The following CAB39 variants were observed in gnomAD, a reference collection of about 807,000 sequenced individuals.
CAB39 encodes calcium-binding protein 39.
Under a neutral mutation model 40.0 loss-of-function variants are expected in CAB39, and 8 were observed. The ratio of observed to expected loss-of-function variants is 0.20; its 90% CI spans 0.12 to 0.36. The LOEUF (loss-of-function observed/expected upper bound fraction) is 0.36, where lower values mean the gene tolerates loss of function less well. CAB39 is among the 10% of genes least tolerant of loss of function. The pLI, the probability that CAB39 is intolerant of heterozygous loss-of-function variation, is 1.00. For synonymous variants in CAB39, 156 were observed against 141.6 expected (o/e 1.10, Z -0.72); for missense variants, 270 against 401.1 (o/e 0.67, Z 2.79).
chr2:230,719,513 A>G (rs1319075826), intron 1 of CAB39, among the ~76,000 whole-genome samples: 3 of 152,222 alleles, frequency 2.0e-5, no homozygotes. Context: ...GTTTATTATA[A>G]ATGCTTTCGT....
At chr2:230,758,090 G>A (rs1384855529) in intron 1 of CAB39, among the ~76,000 whole-genome samples, 2 of 152,126 alleles carry the variant, frequency 1.3e-5, no homozygotes, top group Non-Finnish European at 2.9e-5. Flanking sequence ...CTTGAGGCCA[G>A]GAGTTGAGAC....
intron 5 of CAB39, among the ~76,000 whole-genome samples, chr2:230,803,536 C>A (rs1318225192): frequency 3.3e-5 from 5 of 152,200 alleles, no homozygotes; most frequent in Non-Finnish European, 5.9e-5. Flanking sequence ...TCTCCTTAAG[C>A]TGATAAGCAA....
intron 1 of CAB39, chr2:230,713,700 G>A (rs1173240067): frequency 6.6e-6 from 1 of 152,280 alleles, no homozygotes; most frequent in Non-Finnish European, 1.5e-5. Flanking sequence ...CTGATTTCTG[G>A]TTAGGAATTG....
Position 230,798,808 on chromosome 2 carries a change from A to G in CAB39, c.478A>G (p.Ile160Val), listed in dbSNP as rs756020772. Reference protein sequence around the residue: ...CIRHEPLAKIILWSEQFYDFF... With the variant: ...CIRHEPLAKIVLWSEQFYDFF... ...CAGACATGAACCACTTGCAAAAATC[A>G]TTTTGTGGTCGGAACAGTTTTATGA... Residue 160 changes from isoleucine (I) to valine (V), a missense_variant, in exon 5 of 9, where the codon ATT becomes GTT. Physicochemically the swap from Ile to Val is conservative, Grantham distance 29 (BLOSUM62 3). Transcript: ENST00000258418. 3 of 1,611,334 alleles carry G rather than the reference A, an allele frequency of 1.9e-6. No individual in the cohort carries two copies. The highest frequency in any genetic ancestry group is 2.5e-6 in the Non-Finnish European group (3 of 1,178,658).
intron 2 of CAB39, chr2:230,779,054 G>A (rs1282193229): frequency 6.6e-6 from 1 of 151,588 alleles, no homozygotes; most frequent in African/African-American, 2.4e-5. Flanking sequence ...GTGAACTTTG[G>A]GATACTGGTT....
intron 4 of CAB39, among the ~76,000 whole-genome samples, chr2:230,796,741 T>G (rs1396078448): frequency 6.6e-6 from 1 of 151,786 alleles, no homozygotes; most frequent in East Asian, 1.9e-4. Context: ...AAATGTGGTT[T>G]GGGTTAATAA....
chr2:230,801,996 A>G (rs974926288), intron 5 of CAB39, among the ~76,000 whole-genome samples: 38 of 152,064 alleles, frequency 2.5e-4, no homozygotes, highest in African/African-American at 9.2e-4. Context: ...GGAGATGGAG[A>G]GGGGCATTAG....
intron 1 of CAB39, among the ~76,000 whole-genome samples, chr2:230,717,798 G>C (rs1342775766): frequency 6.6e-6 from 1 of 152,188 alleles, no homozygotes; most frequent in African/African-American, 2.4e-5. Flanking sequence ...TTTTAAAACA[G>C]AAGGGGTGAG....
intron 2 of CAB39, among the ~76,000 whole-genome samples, chr2:230,774,135 A>G (rs1196510634): frequency 6.6e-6 from 1 of 152,228 alleles, no homozygotes; most frequent in African/African-American, 2.4e-5. Context: ...ATTAGAGTCA[A>G]AGACGGAATT....
At chr2:230,760,282 G>A (rs575394331) in intron 2 of CAB39, among the ~76,000 whole-genome samples, 167 bp downstream of exon 2, 4 of 152,132 alleles carry the variant, frequency 2.6e-5, no homozygotes, top group Admixed American at 2.0e-4. Context: ...CTGTATTTTC[G>A]TCTAACAAAT....
At chr2:230,725,501 C>G in intron 1 of CAB39, 1 of 1,048,524 alleles carries the variant, frequency 9.5e-7, no homozygotes, top group Non-Finnish European at 1.4e-6. Flanking sequence ...TTTAACAGCC[C>G]TTTTTAATAT....
chr2:230,719,999 G>A (rs1694418009), intron 1 of CAB39, among the ~76,000 whole-genome samples: 1 of 152,134 alleles, frequency 6.6e-6, no homozygotes, highest in South Asian at 2.1e-4. Flanking sequence ...ATCAAAATGT[G>A]TATTTTCAAA....
chr2:230,747,546 G>A (rs1039847612), intron 1 of CAB39, among the ~76,000 whole-genome samples: 1 of 152,198 alleles, frequency 6.6e-6, no homozygotes, highest in African/African-American at 2.4e-5. Context: ...AAAAGGTAGT[G>A]TTTATGTCTG....
At chr2:230,779,464 C>G (rs916191194) in intron 2 of CAB39, 1 of 152,282 alleles carries the variant, frequency 6.6e-6, no homozygotes, top group Non-Finnish European at 1.5e-5. Flanking sequence ...AGTGAGTGGG[C>G]TTGTTATAAA....
In CAB39 at chr2:230,820,300, G is replaced by C. The variant is rs1696485182; in HGVS notation, c.*1596G>C. ...GAATTATATACTGGCCAGTAAAATG[G>C]GCCTCCCAATTGCTGTTTCAGCAGG... is the stretch of plus-strand genomic sequence containing the variant. On this transcript the variant is annotated 3_prime_UTR_variant, in exon 9 of 9. Transcript: ENST00000258418. 6.6e-6 allele frequency: 1 copy of C among 152,078 alleles called. No individual in the cohort carries two copies. The highest frequency in any genetic ancestry group is 1.5e-5 in the Non-Finnish European group (1 of 68,018). The allele number at this position is 152,078 out of a possible 1,614,324, so 9.4% of individuals were successfully genotyped here.
chr2:230,738,785 A>G (rs1694828846), intron 1 of CAB39, among the ~76,000 whole-genome samples: 1 of 152,244 alleles, frequency 6.6e-6, no homozygotes, highest in Non-Finnish European at 1.5e-5. Context: ...AGAAATAGCA[A>G]TGCTTAGACC....
At chr2:230,776,746 G>A (rs1038335034) in intron 2 of CAB39, among the ~76,000 whole-genome samples, 7 of 151,208 alleles carry the variant, frequency 4.6e-5, no homozygotes, top group East Asian at 1.9e-4. Flanking sequence ...GCTGGCATGC[G>A]GTGGCACGAT....
At chr2:230,794,186 G>A (rs1007306894) in intron 4 of CAB39, among the ~76,000 whole-genome samples, 1 of 152,160 alleles carries the variant, frequency 6.6e-6, no homozygotes, top group Non-Finnish European at 1.5e-5. Flanking sequence ...TCTGATTCAC[G>A]TCTCTGCGGT....
intron 1 of CAB39, among the ~76,000 whole-genome samples, chr2:230,748,822 AAAAAAAAAAAT>A (rs1435975292): frequency 4.3e-5 from 3 of 69,964 alleles, no homozygotes; most frequent in African/African-American, 6.5e-5. Flanking sequence ...AGAAAAAAAA[AAAAAAAAAAAT>A]ATATATATAT....
Sources: gnomAD v4.1 joint callset for allele counts (sites outside exome capture counted in the v4.1 genomes callset) on GRCh38, gnomAD v4.1.1 for gene constraint, MANE v1.5 for transcripts, NCBI Gene and HGNC (gene_info 2026-07-23, HGNC 2026-07-21) for gene names.